The following SAMD12 variants were observed in gnomAD, a reference collection of about 807,000 sequenced individuals.
SAMD12 encodes sterile alpha motif domain-containing protein 12.
In SAMD12, 9 loss-of-function variants were observed where a neutral mutation model predicts 15.0. The ratio of observed to expected loss-of-function variants is 0.60; its 90% CI spans 0.36 to 1.05. SAMD12 has a LOEUF of 1.05. Ranked by LOEUF, SAMD12 falls within the 50% of genes least tolerant of loss-of-function variation. The pLI is 0.01. For missense variants in SAMD12, 230 were observed against 234.2 expected, an observed-to-expected ratio of 0.98 and a Z score of 0.12; for synonymous variants, 86 against 90.1, an observed-to-expected ratio of 0.96 and a Z score of 0.25.
chr8:118,498,239 A>G (rs1824682970), intron 2 of SAMD12, among the ~76,000 whole-genome samples: 1 of 152,232 alleles, frequency 6.6e-6, no homozygotes, highest in African/African-American at 2.4e-5. Flanking sequence ...TCACAGGAAC[A>G]GTCTCAGCTT....
At chr8:118,461,518 T>C (rs1327149208) in intron 2 of SAMD12, among the ~76,000 whole-genome samples, 1 of 151,422 alleles carries the variant, frequency 6.6e-6, no homozygotes, top group Non-Finnish European at 1.5e-5. Flanking sequence ...AGGTAGCAAC[T>C]ATCATGACTT....
At chr8:118,619,433 C>T (rs986746862) in intron 1 of SAMD12, among the ~76,000 whole-genome samples, 5 of 147,536 alleles carry the variant, frequency 3.4e-5, no homozygotes, top group African/African-American at 5.0e-5. Flanking sequence ...GAGCTGAGAC[C>T]GCGCCACTGT....
At chr8:118,503,107 G>A (rs1307900014) in intron 2 of SAMD12, among the ~76,000 whole-genome samples, 1 of 152,140 alleles carries the variant, frequency 6.6e-6, no homozygotes, top group African/African-American at 2.4e-5. Context: ...GTATTAAAGA[G>A]CTTGGTGGCT....
chr8:118,298,429 T>G (rs1814839350), intron 4 of SAMD12, among the ~76,000 whole-genome samples: 1 of 152,186 alleles, frequency 6.6e-6, no homozygotes, highest in Non-Finnish European at 1.5e-5. Context: ...AAGAATTTTT[T>G]TTAAAAAGAT....
At chr8:118,319,633 A>T (rs1269478328) in intron 4 of SAMD12, among the ~76,000 whole-genome samples, 1 of 152,242 alleles carries the variant, frequency 6.6e-6, no homozygotes, top group East Asian at 1.9e-4. Flanking sequence ...AGGGCTACAC[A>T]TCATTTTCAG....
At chr8:118,137,194 G>A in the SAMD12 span, among the ~76,000 whole-genome samples, 1 of 152,212 alleles carries the variant, frequency 6.6e-6, no homozygotes, top group Non-Finnish European at 1.5e-5. Context: ...AAATGAAGTA[G>A]TGGCCGGCAA....
At chr8:118,338,636 G>C (rs544342733) in intron 4 of SAMD12, among the ~76,000 whole-genome samples, 1 of 152,154 alleles carries the variant, frequency 6.6e-6, no homozygotes, top group African/African-American at 2.4e-5. Context: ...CTACTTGAAG[G>C]CATTCAGAAT....
chr8:118,267,892 A>G (rs993608435), intron 4 of SAMD12, among the ~76,000 whole-genome samples: 5 of 152,122 alleles, frequency 3.3e-5, no homozygotes, highest in African/African-American at 1.2e-4. Flanking sequence ...GGAGTTTGAG[A>G]CCAGCCTGGC....
chr8:118,511,615 A>G (rs1270933487), intron 2 of SAMD12, among the ~76,000 whole-genome samples: 1 of 152,150 alleles, frequency 6.6e-6, no homozygotes, highest in South Asian at 2.1e-4. Flanking sequence ...ATTTTCCTAC[A>G]TTCAAGCTTC....
chr8:118,371,816 CA>C (rs1407413965), intron 4 of SAMD12, among the ~76,000 whole-genome samples: 1 of 151,998 alleles, frequency 6.6e-6, no homozygotes, highest in Non-Finnish European at 1.5e-5. Flanking sequence ...AGGCAGCATG[CA>C]AAATGCCAAC....
chr8:118,150,007 G>T, the SAMD12 span, among the ~76,000 whole-genome samples: 1 of 152,062 alleles, frequency 6.6e-6, no homozygotes. Flanking sequence ...AAGTGATTTT[G>T]CCCCCCTCCC....
At chr8:118,536,459 C>A (rs1308712249) in intron 2 of SAMD12, among the ~76,000 whole-genome samples, 87 of 151,592 alleles carry the variant, frequency 5.7e-4, no homozygotes, top group African/African-American at 1.6e-3. Context: ...CACACACACA[C>A]ACACACACAC....
intron 3 of SAMD12, among the ~76,000 whole-genome samples, chr8:118,399,190 AT>A (rs1209005975): frequency 0.015 from 1,634 of 112,524 alleles, 27 homozygotes; most frequent in African/African-American, 0.052. Context: ...GGCCCGATAA[AT>A]TTTTTTTTTC....
At chr8:118,410,773 C>G (rs1448492129) in intron 3 of SAMD12, among the ~76,000 whole-genome samples, 2 of 152,130 alleles carry the variant, frequency 1.3e-5, no homozygotes, top group African/African-American at 2.4e-5. Context: ...ATCTGAAGTT[C>G]CTTACTGATA....
intron 2 of SAMD12, among the ~76,000 whole-genome samples, chr8:118,559,245 A>G (rs1826640455): frequency 6.6e-6 from 1 of 152,200 alleles, no homozygotes; most frequent in South Asian, 2.1e-4. Flanking sequence ...ATTAAGACAG[A>G]TAAAGTTACT....
Position 118,606,576 on chromosome 8 carries a change from T to TA in SAMD12, c.13+15227dup, listed in dbSNP as rs1164664774. Reference sequence around the variant, plus strand: ...AGCTATCAGCTACTGAGTTTCAATTTAAAAAAAAAAGAAAAGAAAAGAAAA... The same window carrying TA: ...AGCTATCAGCTACTGAGTTTCAATTTAAAAAAAAAAAGAAAAGAAAAGAAAA... On this transcript the variant is annotated intron_variant, in intron 1 of 3. Transcript: ENST00000314727. Among the ~76,000 whole-genome samples the TA allele has an allele frequency of 2.0e-3, 282 of 142,826 alleles. 3 individuals are homozygous for TA. Among genetic ancestry groups the TA allele is most frequent in the Admixed American group, 0.015 (213 of 14,300 alleles). The allele number at this position is 142,826 out of a possible 152,430, so 93.7% of individuals were successfully genotyped here. A position where few individuals can be genotyped will look rare whatever the true frequency, so the allele number is the denominator to read the frequency against.
At chr8:118,610,477 G>A (rs1040142182) in intron 1 of SAMD12, among the ~76,000 whole-genome samples, 2 of 152,154 alleles carry the variant, frequency 1.3e-5, no homozygotes, top group African/African-American at 2.4e-5. Flanking sequence ...TTAGCAGTGT[G>A]ACCTCAGGAA....
intron 3 of SAMD12, among the ~76,000 whole-genome samples, chr8:118,431,370 A>G (rs4548207): frequency 0.31 from 47,334 of 152,068 alleles, 9,236 homozygotes; most frequent in Admixed American, 0.46. Flanking sequence ...TTTCTGATCT[A>G]TATCATTTTT....
chr8:118,152,454 C>CCTT, the SAMD12 span, among the ~76,000 whole-genome samples: 32 of 144,380 alleles, frequency 2.2e-4, 1 homozygote, highest in East Asian at 5.2e-3. Context: ...CTCCCTCCCT[C>CCTT]CCTACCTTCC....
Sources: gnomAD v4.1 joint callset for allele counts (sites outside exome capture counted in the v4.1 genomes callset) on GRCh38, gnomAD v4.1.1 for gene constraint, MANE v1.5 for transcripts, NCBI Gene and HGNC (gene_info 2026-07-23, HGNC 2026-07-21) for gene names.